Variants in CCNB3 observed in about 807,000 individuals in gnomAD.
CCNB3 encodes G2/mitotic-specific cyclin-B3.
In CCNB3, 12 loss-of-function variants were observed where a neutral mutation model predicts 68.0. That is an observed-to-expected ratio of 0.18 (90% CI 0.11 to 0.29). CCNB3 has a LOEUF of 0.29. CCNB3 is among the 10% of genes least tolerant of loss of function. The probability of loss-of-function intolerance (pLI) is 1.00; values close to 1 mark genes in which losing one functional copy is unlikely to be tolerated. For synonymous variants in CCNB3, 354 were observed against 388.9 expected (o/e 0.91, Z 1.06); for missense variants, 904 against 993.1 (o/e 0.91, Z 1.21).
Position 50,309,016 on chromosome X carries a change from T to G in CCNB3, c.847T>G (p.Leu283Val). The G allele has an allele frequency of 8.3e-7, 1 of 1,210,939 alleles. No homozygotes were observed. The highest frequency in any genetic ancestry group is 1.1e-6 in the Non-Finnish European group (1 of 895,084). Residue 283 changes from leucine (L) to valine (V), a missense_variant, in exon 6 of 13, where the codon TTA becomes GTA. Leu to Val is a conservative substitution (Grantham distance 32). Coordinates refer to ENST00000376042, the MANE Select transcript of CCNB3 (RefSeq NM_033031.3). ...TGAGGAGTCAATCCCCACCCATAAGTTATCATCTTTAAAGAAGAAATGTAC... is the reference window on the plus strand; with the variant it reads ...TGAGGAGTCAATCCCCACCCATAAGGTATCATCTTTAAAGAAGAAATGTAC... ...KTEESIPTHK[L>V]SSLKKKCTIY...
rs781906156 is a variant in CCNB3 at position 50,309,253 on chromosome X, C to T, written c.1084C>T (p.Leu362Phe). ...LQKTNFKEDS[L>F]VKESLAFKKK... ...GAAGACCAACTTTAAAGAGGATTCC[C>T]TTGTTAAGGAGTCGTTAGCCTTTAA... Residue 362 changes from leucine (L) to phenylalanine (F), a missense_variant, in exon 6 of 13, where the codon CTT (leucine) becomes TTT (phenylalanine). Around this residue, in one of 2 missense-constraint regions of CCNB3, gnomAD observed 619 missense variants for 609.8 expected, o/e 1.02. Coordinates refer to ENST00000376042, the MANE Select transcript of CCNB3 (RefSeq NM_033031.3). The T allele has an allele frequency of 4.3e-5, 52 of 1,209,160 alleles. No individual in the cohort carries two copies. The African/African-American group carries it at 5.3e-4, about 12-fold the overall frequency.
intron 8 of CCNB3, among the ~76,000 whole-genome samples, chrX:50,317,363 T>C (rs1921776522): frequency 9.0e-6 from 1 of 111,357 alleles, no homozygotes; most frequent in African/African-American, 3.3e-5. Context: ...TCTCAGTCTG[T>C]AGTTTTTCTT....
intron 5 of CCNB3, among the ~76,000 whole-genome samples, chrX:50,299,451 G>A (rs1936571307): frequency 9.0e-6 from 1 of 111,722 alleles, no homozygotes; most frequent in Non-Finnish European, 1.9e-5. Context: ...TTTTGAGTGA[G>A]TTTCTTAATC....
At chrX:50,349,682 C>T (rs781989598) in intron 11 of CCNB3, among the ~76,000 whole-genome samples, 13 of 111,722 alleles carry the variant, frequency 1.2e-4, no homozygotes, top group South Asian at 3.8e-4. Context: ...GGCCCTTTGC[C>T]GGTGGTGGTG....
intron 8 of CCNB3, among the ~76,000 whole-genome samples, chrX:50,327,896 C>T (rs1198073307): frequency 1.8e-5 from 2 of 111,208 alleles, no homozygotes; most frequent in Admixed American, 9.6e-5. Flanking sequence ...CAATTATCCT[C>T]GATTACCCAA....
intron 3 of CCNB3, 71 bp downstream of exon 3, chrX:50,285,330 C>T (rs1178540863): frequency 1.5e-5 from 12 of 793,340 alleles, no homozygotes; most frequent in African/African-American, 6.1e-5. Context: ...TACCTATCCT[C>T]ACCTGTGAGT....
intron 1 of CCNB3, among the ~76,000 whole-genome samples, chrX:50,222,118 G>T (rs1935683177): frequency 9.0e-6 from 1 of 110,687 alleles, no homozygotes; most frequent in Non-Finnish European, 1.9e-5. Context: ...AATTTGCTTG[G>T]TAAATATTCC....
intron 3 of CCNB3, among the ~76,000 whole-genome samples, chrX:50,285,526 A>G (rs1237831939): frequency 9.0e-6 from 1 of 111,394 alleles, no homozygotes; most frequent in Non-Finnish European, 1.9e-5. Context: ...CTCATTAATG[A>G]TCATGTCTAT....
chrX:50,320,318 A>G (rs1921951330), intron 8 of CCNB3, among the ~76,000 whole-genome samples: 1 of 111,014 alleles, frequency 9.0e-6, no homozygotes, highest in South Asian at 3.8e-4. Flanking sequence ...AAGGTTATTT[A>G]AGTTATCTAT....
intron 8 of CCNB3, among the ~76,000 whole-genome samples, chrX:50,334,173 G>C (rs782618543): frequency 8.9e-6 from 1 of 112,265 alleles, no homozygotes; most frequent in South Asian, 3.7e-4. Context: ...CTCCTTGTGG[G>C]TTGATGAAGC....
intron 8 of CCNB3, among the ~76,000 whole-genome samples, chrX:50,336,400 G>A (rs1557218861): frequency 1.8e-5 from 2 of 111,862 alleles, no homozygotes; most frequent in African/African-American, 6.5e-5. Context: ...CCTTCCTTAC[G>A]GCTTTCTCTG....
chrX:50,289,136 G>T (rs1388324477), intron 4 of CCNB3, among the ~76,000 whole-genome samples: 6 of 111,953 alleles, frequency 5.4e-5, no homozygotes, highest in Non-Finnish European at 1.1e-4. Context: ...ATAACTATGA[G>T]AACTATGGAA....
intron 1 of CCNB3, among the ~76,000 whole-genome samples, chrX:50,279,437 TATATATAA>T (rs1259486600): frequency 2.4e-4 from 17 of 71,505 alleles, no homozygotes; most frequent in Admixed American, 3.9e-4. Flanking sequence ...TATATAAATA[TATATATAA>T]ATATATAAAT....
chrX:50,213,120 T>A (rs1293097558), intron 1 of CCNB3, among the ~76,000 whole-genome samples: 1 of 79,461 alleles, frequency 1.3e-5, no homozygotes. Context: ...TGATATGTTA[T>A]CTCTGTTCCA....
At chrX:50,225,961 C>A (rs1471730003) in intron 1 of CCNB3, among the ~76,000 whole-genome samples, 5 of 90,431 alleles carry the variant, frequency 5.5e-5, no homozygotes, top group African/African-American at 8.1e-5. Context: ...ATTAAAAAGA[C>A]AAGAGGACCT....
chrX:50,280,674 T>G (rs946392126), intron 1 of CCNB3, among the ~76,000 whole-genome samples: 2,146 of 110,549 alleles, frequency 0.019, 43 homozygotes, highest in African/African-American at 0.065. Context: ...GTTATTAATA[T>G]TAATGTTTTA....
At chrX:50,228,428 A>G in intron 1 of CCNB3, among the ~76,000 whole-genome samples, 1 of 92,782 alleles carries the variant, frequency 1.1e-5, no homozygotes, top group East Asian at 3.1e-4. Flanking sequence ...TGTAGAATAT[A>G]TATAGAGGAT....
At chrX:50,293,526 A>G (rs908445395) in intron 4 of CCNB3, among the ~76,000 whole-genome samples, 8 of 111,359 alleles carry the variant, frequency 7.2e-5, no homozygotes, top group African/African-American at 2.6e-4. Context: ...ACATATACCT[A>G]TTTAGGAAAT....
At chrX:50,226,444 T>C (rs1318880581) in intron 1 of CCNB3, among the ~76,000 whole-genome samples, 1 of 65,551 alleles carries the variant, frequency 1.5e-5, no homozygotes, top group Non-Finnish European at 2.6e-5. Context: ...AAAATATATA[T>C]AGAATATATA....
Sources: gnomAD v4.1 joint callset for allele counts (sites outside exome capture counted in the v4.1 genomes callset) on GRCh38, gnomAD v4.1.1 for gene constraint, gnomAD v4.1.1 regional missense constraint, MANE v1.5 for transcripts, NCBI Gene and HGNC (gene_info 2026-07-23, HGNC 2026-07-21) for gene names.